GNAQ: variants seen among roughly 807,000 people sequenced by gnomAD.
GNAQ encodes guanine nucleotide-binding protein G(q) subunit alpha.
Under a neutral mutation model 43.9 loss-of-function variants are expected in GNAQ, and 8 were observed. That is an observed-to-expected ratio of 0.18 (90% CI 0.11 to 0.33). The LOEUF (loss-of-function observed/expected upper bound fraction) is 0.33. Ranked by LOEUF, GNAQ falls within the 10% of genes least tolerant of loss-of-function variation. The pLI is 1.00. For missense variants in GNAQ, 158 were observed against 450.8 expected (o/e 0.35, Z 5.88); for synonymous variants, 155 against 170.7 (o/e 0.91, Z 0.71).
chr9:77,834,496 A>C (rs1437779293), intron 2 of GNAQ, among the ~76,000 whole-genome samples: 1 of 115,332 alleles, frequency 8.7e-6, no homozygotes, highest in Non-Finnish European at 2.0e-5. Flanking sequence ...TTTCAAATAC[A>C]CTATTCTTTC....
chr9:77,757,351 A>G (rs1825920705), intron 5 of GNAQ, among the ~76,000 whole-genome samples: 1 of 152,050 alleles, frequency 6.6e-6, no homozygotes, highest in South Asian at 2.1e-4. Context: ...CCTCATATCT[A>G]CCCTTCACCA....
chr9:77,791,006 C>T (rs1826562114), intron 5 of GNAQ, among the ~76,000 whole-genome samples: 1 of 152,172 alleles, frequency 6.6e-6, no homozygotes, highest in Admixed American at 6.5e-5. Flanking sequence ...AGGATGAATA[C>T]ATGTTTATGG....
intron 2 of GNAQ, among the ~76,000 whole-genome samples, chr9:77,839,675 A>T (rs1266219085): frequency 1.3e-5 from 2 of 152,238 alleles, no homozygotes; most frequent in Non-Finnish European, 2.9e-5. Context: ...AGAACTGGAG[A>T]TAACCAGAAG....
intron 2 of GNAQ, among the ~76,000 whole-genome samples, chr9:77,900,712 C>T (rs1008116359): frequency 1.3e-5 from 2 of 151,884 alleles, no homozygotes; most frequent in Admixed American, 1.3e-4. Context: ...AGTTTTTTTC[C>T]TTCATGTTTT....
intron 6 of GNAQ, among the ~76,000 whole-genome samples, chr9:77,723,894 C>A (rs1825357487): frequency 6.6e-6 from 1 of 151,912 alleles, no homozygotes; most frequent in African/African-American, 2.4e-5. Flanking sequence ...ATGAATTGTG[C>A]ACTTAAAAAT....
In GNAQ at chr9:78,001,603, G is replaced by A. The variant is rs1231517014; in HGVS notation, c.136+29497C>T. 4.8e-5 allele frequency among the ~76,000 whole-genome samples: 7 copies of A among 146,450 alleles called. No homozygotes were observed. In the East Asian group the frequency reaches 7.9e-4, roughly 17 times the overall value. Reference sequence around the variant, plus strand: ...TCTTTGTACTTTTTTTTTTTTTTAAGAAGTCATGGATTGAGTTGAAACACC... The same window carrying A: ...TCTTTGTACTTTTTTTTTTTTTTAAAAAGTCATGGATTGAGTTGAAACACC... On this transcript the variant is annotated intron_variant, in intron 1 of 6. Coordinates refer to ENST00000286548, the MANE Select transcript of GNAQ (RefSeq NM_002072.5).
chr9:77,986,873 T>G (rs980577266), intron 1 of GNAQ, among the ~76,000 whole-genome samples: 3 of 151,304 alleles, frequency 2.0e-5, no homozygotes, highest in Non-Finnish European at 2.9e-5. Context: ...TATTTACATA[T>G]GTGTGTATTA....
intron 6 of GNAQ, among the ~76,000 whole-genome samples, chr9:77,727,161 T>G (rs959355208): frequency 3.2e-4 from 49 of 151,768 alleles, no homozygotes; most frequent in African/African-American, 1.2e-3. Context: ...CATGGCTCAT[T>G]GCAGTCTTGA....
chr9:77,982,061 T>C (rs1474101172), intron 1 of GNAQ, among the ~76,000 whole-genome samples: 1 of 152,208 alleles, frequency 6.6e-6, no homozygotes, highest in Non-Finnish European at 1.5e-5. Flanking sequence ...CATCAAGCCA[T>C]CCCAGGCCAA....
chr9:77,728,215 G>C (rs762749462), intron 6 of GNAQ, among the ~76,000 whole-genome samples: 1 of 152,058 alleles, frequency 6.6e-6, no homozygotes, highest in South Asian at 2.1e-4. Context: ...GGATGGTCTC[G>C]ATCGCTTGAC....
At chr9:77,881,199 C>T (rs952785067) in intron 2 of GNAQ, among the ~76,000 whole-genome samples, 1 of 152,128 alleles carries the variant, frequency 6.6e-6, no homozygotes, top group African/African-American at 2.4e-5. Context: ...TGCCGCACCC[C>T]CCCCAAAACG....
At chr9:78,009,439 C>A (rs1047863827) in intron 1 of GNAQ, among the ~76,000 whole-genome samples, 1 of 152,120 alleles carries the variant, frequency 6.6e-6, no homozygotes, top group African/African-American at 2.4e-5. Context: ...CTCTTGATTT[C>A]TCTATTCCCT....
In GNAQ at chr9:77,837,662, A is replaced by C. The variant is rs114655288; in HGVS notation, c.322-21892T>G. Among the ~76,000 whole-genome samples the C allele has an allele frequency of 2.9e-3, 443 of 152,078 alleles. 3 individuals are homozygous for C. Among genetic ancestry groups the C allele is most frequent in the African/African-American group, 0.01 (423 of 41,508 alleles). On this transcript the variant is annotated intron_variant, in intron 2 of 6. Transcript: ENST00000286548. The stretch of plus-strand genomic sequence containing the variant: ...AAGGGAATAAAATTATTCTAAAAAA[A>C]AAATCAAAATGACTTCTAAATATAT...
chr9:77,947,246 G>A (rs1278141560), intron 1 of GNAQ, among the ~76,000 whole-genome samples: 1 of 152,224 alleles, frequency 6.6e-6, no homozygotes, highest in Non-Finnish European at 1.5e-5. Flanking sequence ...TGAGGGGGAA[G>A]GGTGAGGACC....
At chr9:77,731,235 A>G (rs1347502811) in intron 5 of GNAQ, among the ~76,000 whole-genome samples, 2 of 152,144 alleles carry the variant, frequency 1.3e-5, no homozygotes, top group East Asian at 3.9e-4. Context: ...AGAGACAGGG[A>G]GGGTGAGCCT....
At chr9:77,813,069 C>T (rs1245978775) in intron 3 of GNAQ, among the ~76,000 whole-genome samples, 2 of 151,830 alleles carry the variant, frequency 1.3e-5, no homozygotes, top group African/African-American at 4.8e-5. Flanking sequence ...CACCCCACCA[C>T]GCCTGGCTAC....
At chr9:77,856,542 G>T (rs1205406029) in intron 2 of GNAQ, among the ~76,000 whole-genome samples, 1 of 152,110 alleles carries the variant, frequency 6.6e-6, no homozygotes, top group African/African-American at 2.4e-5. Flanking sequence ...TTGGCAGCAG[G>T]TAACATCTAA....
intron 2 of GNAQ, among the ~76,000 whole-genome samples, chr9:77,847,303 T>C: frequency 6.6e-6 from 1 of 152,180 alleles, no homozygotes. Flanking sequence ...AAACGCTAAT[T>C]ATTAGGCAGA....
intron 2 of GNAQ, among the ~76,000 whole-genome samples, chr9:77,890,446 G>T (rs1487990175): frequency 6.6e-6 from 1 of 152,204 alleles, no homozygotes; most frequent in East Asian, 1.9e-4. Context: ...TTGCAAGGCT[G>T]GGCACAGTGG....
Sources: gnomAD v4.1 joint callset for allele counts (sites outside exome capture counted in the v4.1 genomes callset) on GRCh38, gnomAD v4.1.1 for gene constraint, MANE v1.5 for transcripts, NCBI Gene and HGNC (gene_info 2026-07-23, HGNC 2026-07-21) for gene names.